C3: variants seen among roughly 807,000 people sequenced by gnomAD.
C3 encodes complement C3, also known as C3 and PZP-like alpha-2-macroglobulin domain-containing protein 1.
Under a neutral mutation model 207.9 loss-of-function variants are expected in C3, and 97 were observed. The ratio of observed to expected loss-of-function variants is 0.47; its 90% CI spans 0.40 to 0.55. C3 has a LOEUF of 0.55. Ranked by LOEUF, C3 falls within the 20% of genes least tolerant of loss-of-function variation. The pLI is 0.00. For missense variants in C3, 1,684 were observed against 2,171.7 expected (o/e 0.78, Z 4.46); for synonymous variants, 848 against 857.6 (o/e 0.99, Z 0.20).
intron 17 of C3, among the ~76,000 whole-genome samples, chr19:6,705,669 T>C (rs1967759200): frequency 7.5e-6 from 1 of 132,834 alleles, no homozygotes; most frequent in South Asian, 2.4e-4. Context: ...CCTTTCTTTT[T>C]TTGTTTTGTT....
chr19:6,718,831 G>A (rs1599529023), intron 2 of C3, among the ~76,000 whole-genome samples: 1 of 145,142 alleles, frequency 6.9e-6, no homozygotes, highest in East Asian at 2.1e-4. Flanking sequence ...AGGGGGAGGA[G>A]ACTCAGAAGG....
At chr19:6,687,019 CT>C in intron 27 of C3, 117 bp from the exon 28 acceptor site, 1 of 1,074,154 alleles carries the variant, frequency 9.3e-7, no homozygotes, top group Non-Finnish European at 1.4e-6. Context: ...ACACACCTGT[CT>C]TAGATTTGTC....
Position 6,679,482 on chromosome 19 carries a change from G to C in C3, c.4471C>G (p.Arg1491Gly). The C allele has an allele frequency of 6.2e-7, 1 of 1,612,682 alleles. No individual in the cohort carries two copies. Among genetic ancestry groups the C allele is most frequent in the South Asian group, 1.1e-5 (1 of 91,056 alleles). The change falls in exon 37 of 41, where the codon CGG becomes GGG. Residue 1491 changes from arginine to glycine, a missense_variant. By Grantham distance (125) the Arg-to-Gly change is moderately radical. Transcript: ENST00000245907. ...TCCTCCTTTTCCGGATGGTAGAACCGGGTACAGCTTTCCTCTGCGGGCAGA... is the reference window on the plus strand; with the variant it reads ...TCCTCCTTTTCCGGATGGTAGAACCCGGTACAGCTTTCCTCTGCGGGCAGA... ...AYYNLEESCT[R>G]FYHPEKEDGK...
chr19:6,705,643 G>A (rs112413734), intron 17 of C3, among the ~76,000 whole-genome samples: 5 of 150,614 alleles, frequency 3.3e-5, no homozygotes, highest in African/African-American at 9.8e-5. Flanking sequence ...CACCGTGCCC[G>A]GCCAATTTTC....
intron 13 of C3, 70 bp from the exon 14 acceptor site, chr19:6,709,912 G>T (rs1173103127): frequency 8.5e-6 from 13 of 1,527,518 alleles, no homozygotes; most frequent in Non-Finnish European, 1.2e-5. Context: ...TGGAGTGGGT[G>T]CTGGGCTAGA....
rs1299022950 is a variant in C3, at chr19:6,719,063, TAGA to T, written c.267+145_267+147del. 6 of 701,638 alleles carry T rather than the reference TAGA, an allele frequency of 8.6e-6. No individual in the cohort carries two copies. Among genetic ancestry groups the T allele is most frequent in the Non-Finnish European group, 1.5e-5 (6 of 399,382 alleles). 43.5% of individuals were successfully genotyped at this position (701,638 alleles called of 1,614,324 possible). On this transcript the variant is annotated intron_variant, in intron 2 of 40. Transcript: ENST00000245907. This position sits in a 1 kb window ranked among gnomAD's most constrained non-coding sequence, Gnocchi z 5.4. ...TGGAGTCTCAGAGAAGGGAGGGGCT[TAGA>T]AGGAGAGGCGACTCCGAAGGGGTGG...
chr19:6,702,081 C>T, intron 19 of C3, 46 bp downstream of exon 19: 1 of 1,008,282 alleles, frequency 9.9e-7, no homozygotes, highest in Non-Finnish European at 1.6e-6. Flanking sequence ...CACTCAGACA[C>T]CCTGGGGTCC....
chr19:6,709,611 T>TGCCCCCCCCCCCCCCC, intron 14 of C3, 73 bp downstream of exon 14: 3 of 1,109,428 alleles, frequency 2.7e-6, no homozygotes, highest in East Asian at 2.6e-5. Flanking sequence ...CCCTCTCCAG[T>TGCCCCCCCCCCCCCCC]CCCACCCACC....
chr19:6,680,049 A>G, intron 36 of C3, 109 bp downstream of exon 36: 2 of 758,930 alleles, frequency 2.6e-6, no homozygotes, highest in East Asian at 2.5e-5. Flanking sequence ...GAATGCTCAA[A>G]TCCCTGGACT....
At chr19:6,685,984 G>C in intron 29 of C3, 140 bp downstream of exon 29, 1 of 876,648 alleles carries the variant, frequency 1.1e-6, no homozygotes, top group South Asian at 1.3e-5. Context: ...AATAAAAACT[G>C]ATTCTCAACT....
chr19:6,680,028 C>T, intron 36 of C3, 130 bp downstream of exon 36: 2 of 718,336 alleles, frequency 2.8e-6, no homozygotes, highest in East Asian at 5.2e-5. Context: ...CCCGTGGGAC[C>T]TTCATACTAC....
In C3 at chr19:6,677,873, G is replaced by C. The variant is rs374414103; in HGVS notation, c.*9C>G. 1.2e-6 allele frequency: 2 copies of C among 1,613,924 alleles called. No homozygotes were observed. Among genetic ancestry groups the C allele is most frequent in the Non-Finnish European group, 1.7e-6 (2 of 1,180,000 alleles). ...AAGCTTTATCTGGAGTGGGGGAATG[G>C]GGGTGTGGTCAGTTGGGGCACCCAA... On this transcript the variant is annotated 3_prime_UTR_variant, in exon 41 of 41. Transcript: ENST00000245907.
chr19:6,689,037 A>G (rs1005221289), intron 27 of C3, among the ~76,000 whole-genome samples: 8 of 152,178 alleles, frequency 5.3e-5, no homozygotes, highest in Admixed American at 3.3e-4. Context: ...ATCACGGGAG[A>G]GAGGAGCAAA....
intron 19 of C3, 79 bp downstream of exon 19, chr19:6,702,048 T>A (rs1967686024): frequency 2.5e-6 from 2 of 812,838 alleles, no homozygotes; most frequent in Admixed American, 3.4e-5. Flanking sequence ...TAGGGTTGAT[T>A]GAGTTTGGAT....
Position 6,707,504 on chromosome 19 carries a change from C to T in C3, c.2009G>A (p.Arg670His). The T allele has an allele frequency of 1.2e-6, 2 of 1,614,040 alleles. No homozygotes were observed. Among genetic ancestry groups the T allele is most frequent in the African/African-American group, 1.3e-5 (1 of 75,026 alleles). Reference sequence around the variant, plus strand: ...CTTCTCCGTGAGCTGCACGGAACGGCGTCGGCGGGCGGCTGGCTGCGGGCA... The same window carrying T: ...CTTCTCCGTGAGCTGCACGGAACGGTGTCGGCGGGCGGCTGGCTGCGGGCA... ...LQCPQPAARRRRSVQLTEKRM... is the reference protein window; with the variant it reads ...LQCPQPAARRHRSVQLTEKRM... The change falls in exon 16 of 41, where the codon CGC becomes CAC. Residue 670 changes from arginine to histidine, a missense_variant. Transcript: ENST00000245907.
At position 6,718,370 on chromosome 19, in the gene C3, T is replaced by C. The variant is rs1968088189; in HGVS notation, c.310A>G (p.Lys104Glu). The C allele has an allele frequency of 6.2e-7, 1 of 1,614,224 alleles. No individual in the cohort carries two copies. Residue 104 changes from lysine to glutamate, a missense_variant, in exon 3 of 41, where the codon AAG becomes GAG. Lys to Glu is a moderately conservative substitution (Grantham distance 56, BLOSUM62 1). Around this residue, in one of 3 missense-constraint regions of C3, gnomAD observed 1,280 missense variants for 1,739.1 expected, o/e 0.74. Coordinates refer to ENST00000245907, the MANE Select transcript of C3 (RefSeq NM_000064.4). ...AAGGTGGCCTGCACGGTCACGAACTTGTTGCGCCCCTTTTCTGACTTGAAC... is the reference window on the plus strand; with the variant it reads ...AAGGTGGCCTGCACGGTCACGAACTCGTTGCGCCCCTTTTCTGACTTGAAC... ...REFKSEKGRNKFVTVQATFGT... is the reference protein window; with the variant it reads ...REFKSEKGRNEFVTVQATFGT...
chr19:6,697,248 G>A (rs1967558278), intron 21 of C3, 96 bp downstream of exon 21: 2 of 902,056 alleles, frequency 2.2e-6, no homozygotes, highest in African/African-American at 1.6e-5. Context: ...ATGATTCTTA[G>A]TGTCTCAGAG....
At position 6,711,188 on chromosome 19, in the gene C3, C is replaced by T. The variant is rs138824784; in HGVS notation, c.1278G>A (p.Thr426=). 15 of 1,612,518 alleles carry T rather than the reference C, an allele frequency of 9.3e-6. No individual in the cohort carries two copies. The highest frequency in any genetic ancestry group is 2.7e-5 in the African/African-American group (2 of 74,874). Reference sequence around the variant, plus strand: ...CTGCCTCCGAGAGCTCCTGCTTCTTCGTGCGCACCTGGGTGGGGAAAGAGG... The same window carrying T: ...CTGCCTCCGAGAGCTCCTGCTTCTTTGTGCGCACCTGGGTGGGGAAAGAGG... ...SQKPLSITVR[T]KKQELSEAEQ... Residue 426 remains threonine (T), a synonymous_variant, in exon 12 of 41, where the codon ACG becomes ACA. Coordinates refer to ENST00000245907, the MANE Select transcript of C3 (RefSeq NM_000064.4).
intron 37 of C3, 25 bp from the exon 38 acceptor site, chr19:6,679,233 T>C (rs1158381957): frequency 6.2e-7 from 1 of 1,600,164 alleles, no homozygotes; most frequent in Admixed American, 1.7e-5. Flanking sequence ...GGAGACAGGG[T>C]CTAAGTCCCA....
Sources: gnomAD v4.1 joint callset for allele counts (sites outside exome capture counted in the v4.1 genomes callset) on GRCh38, gnomAD v4.1.1 for gene constraint, gnomAD v4.1.1 regional missense constraint, Gnocchi (gnomAD v3.1) non-coding constraint, MANE v1.5 for transcripts, NCBI Gene and HGNC (gene_info 2026-07-23, HGNC 2026-07-21) for gene names.